The following IGF2BP3 variants were observed in gnomAD, a reference collection of about 807,000 sequenced individuals.
The protein encoded by IGF2BP3 is insulin-like growth factor 2 mRNA-binding protein 3.
Under a neutral mutation model 73.8 loss-of-function variants are expected in IGF2BP3, and 9 were observed. That is an observed-to-expected ratio of 0.12 (90% CI 0.07 to 0.21). IGF2BP3 has a LOEUF of 0.21. Ranked by LOEUF, IGF2BP3 falls within the 10% of genes least tolerant of loss-of-function variation. IGF2BP3 has a pLI of 1.00. For synonymous variants in IGF2BP3, 258 were observed against 256.7 expected (o/e 1.01, Z -0.05); for missense variants, 542 against 714.0 (o/e 0.76, Z 2.75).
At chr7:23,461,706 A>C (rs976862700) in intron 2 of IGF2BP3, among the ~76,000 whole-genome samples, 3 of 152,232 alleles carry the variant, frequency 2.0e-5, no homozygotes, top group Admixed American at 6.5e-5. Flanking sequence ...AACTGTGCTA[A>C]ATGCAATTTT....
intron 10 of IGF2BP3, among the ~76,000 whole-genome samples, chr7:23,322,096 G>T (rs1201803358): frequency 6.6e-6 from 1 of 152,212 alleles, no homozygotes; most frequent in Non-Finnish European, 1.5e-5. Context: ...TGAGCTGAGA[G>T]AAGGCTTCAG....
chr7:23,312,810 A>G lies in IGF2BP3; in HGVS notation c.1566T>C (p.Val522=), dbSNP rs1220985600. Residue 522 remains valine, a synonymous_variant, in exon 14 of 15, where the codon GTT becomes GTC. Coordinates refer to ENST00000258729, the MANE Select transcript of IGF2BP3 (RefSeq NM_006547.3). ...CATCAGGTGTCTGGTCACGAGGGAC[A>G]ACAACTTCTGCACTTGACAAATTCT... ...ELQNLSSAEV[V]VPRDQTPDEN... The G allele has an allele frequency of 1.2e-6, 2 of 1,612,796 alleles. No individual in the cohort carries two copies. Among genetic ancestry groups the G allele is most frequent in the South Asian group, 2.2e-5 (2 of 90,650 alleles).
At chr7:23,350,322 GA>G (rs1784928144) in intron 6 of IGF2BP3, among the ~76,000 whole-genome samples, 1 of 152,178 alleles carries the variant, frequency 6.6e-6, no homozygotes, top group South Asian at 2.1e-4. Context: ...AATTTAAAAG[GA>G]AAAATAATCT....
At chr7:23,387,411 T>C (rs770640401) in intron 3 of IGF2BP3, among the ~76,000 whole-genome samples, 11 of 152,190 alleles carry the variant, frequency 7.2e-5, no homozygotes, top group Middle Eastern at 3.2e-3. Context: ...GACAGGATCA[T>C]GGAACAGATA....
intron 3 of IGF2BP3, among the ~76,000 whole-genome samples, chr7:23,393,352 C>T (rs1467319310): frequency 1.3e-5 from 2 of 152,194 alleles, no homozygotes; most frequent in Admixed American, 6.5e-5. Context: ...CTAGTTCAAT[C>T]GTAACCGATG....
chr7:23,462,474 G>A (rs10950946), intron 2 of IGF2BP3, among the ~76,000 whole-genome samples: 52,602 of 151,432 alleles, frequency 0.35, 9,497 homozygotes, highest in Middle Eastern at 0.42. Flanking sequence ...CCATTCTCCT[G>A]CCTCAGCCTA....
chr7:23,367,451 A>C (rs1445217190), intron 3 of IGF2BP3, among the ~76,000 whole-genome samples: 4 of 152,032 alleles, frequency 2.6e-5, no homozygotes, highest in Non-Finnish European at 5.9e-5. Context: ...AAGGCCAAAA[A>C]AAAAACCACG....
At chr7:23,465,466 T>G (rs1040268747) in intron 2 of IGF2BP3, among the ~76,000 whole-genome samples, 4 of 152,134 alleles carry the variant, frequency 2.6e-5, no homozygotes, top group Non-Finnish European at 5.9e-5. Context: ...GAGACCTCAG[T>G]AATTGGGAGC....
At chr7:23,350,741 T>C (rs1784939522) in intron 6 of IGF2BP3, among the ~76,000 whole-genome samples, 1 of 152,242 alleles carries the variant, frequency 6.6e-6, no homozygotes. Flanking sequence ...TCCTGATAAT[T>C]AGCTCCAACA....
chr7:23,373,145 T>C (rs946404726), intron 3 of IGF2BP3, among the ~76,000 whole-genome samples: 3 of 152,230 alleles, frequency 2.0e-5, no homozygotes, highest in South Asian at 2.1e-4. Flanking sequence ...TTAACTCCCA[T>C]GTATCCCCTT....
intron 10 of IGF2BP3, among the ~76,000 whole-genome samples, chr7:23,320,947 C>CAAAAAAAAAAAAAAAAAAAAAAAA (rs70966008): frequency 6.4e-4 from 62 of 96,374 alleles, no homozygotes; most frequent in African/African-American, 1.4e-3. Context: ...AACTCTGTCT[C>CAAAAAAAAAAAAAAAAAAAAAAAA]AAAAAAAAAA....
At chr7:23,341,690 C>A (rs923768658) in intron 10 of IGF2BP3, among the ~76,000 whole-genome samples, 4 of 151,752 alleles carry the variant, frequency 2.6e-5, no homozygotes, top group Non-Finnish European at 1.5e-5. Context: ...TAAATAACCA[C>A]CATGGCACAT....
At chr7:23,338,677 T>C (rs974467687) in intron 10 of IGF2BP3, among the ~76,000 whole-genome samples, 4 of 152,170 alleles carry the variant, frequency 2.6e-5, no homozygotes, top group Non-Finnish European at 5.9e-5. Flanking sequence ...TCTCGGGAGC[T>C]TTCAAAATTG....
chr7:23,460,524 T>C (rs979190485), intron 2 of IGF2BP3, among the ~76,000 whole-genome samples: 30 of 129,374 alleles, frequency 2.3e-4, no homozygotes, highest in Admixed American at 3.7e-4. Flanking sequence ...AGAGTGAAAC[T>C]CCATCTCAAA....
At chr7:23,424,591 A>T (rs1787446267) in intron 2 of IGF2BP3, among the ~76,000 whole-genome samples, 1 of 152,024 alleles carries the variant, frequency 6.6e-6, no homozygotes, top group Admixed American at 6.6e-5. Flanking sequence ...AGCATGTTTA[A>T]TCACAAAAGA....
chr7:23,403,355 A>G (rs1274449383), intron 3 of IGF2BP3, among the ~76,000 whole-genome samples: 1 of 152,202 alleles, frequency 6.6e-6, no homozygotes, highest in Non-Finnish European at 1.5e-5. Context: ...ATGCCTAAGT[A>G]TTTATGTACT....
At chr7:23,332,634 A>G (rs551106443) in intron 10 of IGF2BP3, among the ~76,000 whole-genome samples, 17 of 152,338 alleles carry the variant, frequency 1.1e-4, no homozygotes, top group Admixed American at 3.3e-4. Flanking sequence ...ATTCTTCACT[A>G]TTTAAGTCAG....
At position 23,448,817 on chromosome 7, in the gene IGF2BP3, A is replaced by T. The variant is rs145958525; in HGVS notation, c.236+19665T>A. Reference sequence around the variant, plus strand: ...GCTAATTTTTTTGTATTTTTAGTAGAGATGGGGTTTCACCATGTTGGTCAA... The same window carrying T: ...GCTAATTTTTTTGTATTTTTAGTAGTGATGGGGTTTCACCATGTTGGTCAA... On this transcript the variant is annotated intron_variant, in intron 2 of 14. Transcript: ENST00000258729. Among the ~76,000 whole-genome samples the T allele has an allele frequency of 6.4e-3, 981 of 152,178 alleles. 13 individuals are homozygous for T. Among genetic ancestry groups the T allele is most frequent in the African/African-American group, 0.021 (877 of 41,524 alleles).
In IGF2BP3 at chr7:23,351,293, C is replaced by A. The variant is rs1474345428; in HGVS notation, c.683+12G>T. On this transcript the variant is annotated intron_variant, in intron 6 of 14. Transcript: ENST00000258729. ...TTCTCATGAACACCCACCACACACT[C>A]AGCATACTCACTTAGACTGGGTCTG... 6.2e-7 allele frequency: 1 copy of A among 1,612,786 alleles called. No individual in the cohort carries two copies. The highest frequency in any genetic ancestry group is 8.5e-7 in the Non-Finnish European group (1 of 1,179,516).
Sources: allele counts gnomAD v4.1 joint callset (sites outside exome capture counted in the v4.1 genomes callset), GRCh38; gene constraint gnomAD v4.1.1; transcripts MANE v1.5; gene names NCBI Gene and HGNC (gene_info 2026-07-23, HGNC 2026-07-21).